ACOT7: variants seen among roughly 807,000 people sequenced by gnomAD.
The protein encoded by ACOT7 is acyl-CoA thioesterase 7.
In ACOT7, 12 loss-of-function variants were observed where a neutral mutation model predicts 40.2. The ratio of observed to expected loss-of-function variants is 0.30; its 90% CI spans 0.19 to 0.48. ACOT7 has a LOEUF of 0.48. Among genes scored for constraint, ACOT7 ranks in the 20% least tolerant of loss-of-function variants. The pLI is 0.99. For synonymous variants in ACOT7, 228 were observed against 219.5 expected (o/e 1.04, Z -0.34); for missense variants, 395 against 530.8 (o/e 0.74, Z 2.51).
chr1:6,305,065 G>A (rs1271836575), intron 6 of ACOT7, among the ~76,000 whole-genome samples: 4 of 145,728 alleles, frequency 2.7e-5, no homozygotes, highest in Non-Finnish European at 4.5e-5. Context: ...GGCTGGCCGG[G>A]CGGGGGGCTG....
At position 6,270,338 on chromosome 1, in the gene ACOT7, G is replaced by A. The variant is rs1038443105; in HGVS notation, c.1015-5643C>T. Among the ~76,000 whole-genome samples the A allele has an allele frequency of 5.3e-5, 8 of 152,346 alleles. No homozygotes were observed. In the South Asian group the frequency reaches 6.2e-4, roughly 12 times the overall value. Reference sequence around the variant, plus strand: ...GGTGGAGGACGAAAGAACGCTCTGCGGGAAGACAGATGTCTCTCTCAAGTC... The same window carrying A: ...GGTGGAGGACGAAAGAACGCTCTGCAGGAAGACAGATGTCTCTCTCAAGTC... On this transcript the variant is annotated intron_variant, in intron 8 of 8. Transcript: ENST00000361521.
intron 4 of ACOT7, among the ~76,000 whole-genome samples, chr1:6,331,184 G>A (rs569502229): frequency 5.3e-5 from 8 of 152,188 alleles, no homozygotes; most frequent in African/African-American, 1.2e-4. Flanking sequence ...TTGTTGAACC[G>A]AGGGCTGGTG....
intron 2 of ACOT7, among the ~76,000 whole-genome samples, chr1:6,347,696 G>A (rs1216337862): frequency 3.3e-5 from 5 of 152,062 alleles, no homozygotes; most frequent in Non-Finnish European, 7.4e-5. Context: ...GAACCTGGGA[G>A]GCAGACATTG....
At chr1:6,322,364 CAGGAATG>C (rs753399607) in intron 5 of ACOT7, among the ~76,000 whole-genome samples, 26 of 152,232 alleles carry the variant, frequency 1.7e-4, no homozygotes, top group Non-Finnish European at 3.4e-4. Flanking sequence ...AAGCCCAGGG[CAGGAATG>C]AGGAAACTCA....
chr1:6,301,839 T>C lies in ACOT7; in HGVS notation c.713-6859A>G, dbSNP rs1336701635. ...ACCAAGCCCACACTCAAAATGATCTTGCTGTGTGAGCTGGACGGTGACATT... is the reference window on the plus strand; with the variant it reads ...ACCAAGCCCACACTCAAAATGATCTCGCTGTGTGAGCTGGACGGTGACATT... On this transcript the variant is annotated intron_variant, in intron 6 of 8. Transcript: ENST00000361521. This position sits in a 1 kb window ranked among gnomAD's most constrained non-coding sequence, Gnocchi z 4.1. Among the ~76,000 whole-genome samples the C allele has an allele frequency of 1.3e-5, 2 of 152,194 alleles. No homozygotes were observed. The highest frequency in any genetic ancestry group is 3.8e-4 in the East Asian group (2 of 5,198).
chr1:6,344,376 C>T (rs919829058), intron 2 of ACOT7, among the ~76,000 whole-genome samples: 3 of 152,194 alleles, frequency 2.0e-5, no homozygotes, highest in South Asian at 2.1e-4. Context: ...CACAGTGCCA[C>T]GGGGACACCT....
rs1390114178 is a variant in ACOT7, at chr1:6,275,047, C to T, written c.1014+6055G>A. Among the ~76,000 whole-genome samples, 1 of 152,212 alleles carries T rather than the reference C, an allele frequency of 6.6e-6. No individual in the cohort carries two copies. The highest frequency in any genetic ancestry group is 1.5e-5 in the Non-Finnish European group (1 of 68,024). On this transcript the variant is annotated intron_variant, in intron 8 of 8. Transcript: ENST00000361521. This position sits in a 1 kb window ranked among gnomAD's most constrained non-coding sequence, Gnocchi z 5.6. ...CTGGCGAGTGACTCCCTGCCTGGTG[C>T]CCGCCTCCTGTCTGGGGATGGGAAG...
intron 5 of ACOT7, among the ~76,000 whole-genome samples, chr1:6,323,737 A>AATATATATATATATAT (rs57302929): frequency 7.8e-5 from 3 of 38,412 alleles, no homozygotes; most frequent in Non-Finnish European, 1.0e-4. Flanking sequence ...AAAAAAAAAA[A>AATATATATATATATAT]ATATATATAT....
At chr1:6,346,208 C>T (rs1415629380) in intron 2 of ACOT7, among the ~76,000 whole-genome samples, 1 of 152,210 alleles carries the variant, frequency 6.6e-6, no homozygotes, top group Non-Finnish European at 1.5e-5. Flanking sequence ...CTCAGGTGAT[C>T]CTGCTGCCTC....
intron 8 of ACOT7, among the ~76,000 whole-genome samples, chr1:6,273,593 G>A (rs1214720224): frequency 1.3e-5 from 2 of 152,328 alleles, no homozygotes; most frequent in East Asian, 1.9e-4. Flanking sequence ...CGCGGCAGGC[G>A]GTTCACCAAG....
At chr1:6,300,627 G>A in intron 6 of ACOT7, among the ~76,000 whole-genome samples, 1 of 135,024 alleles carries the variant, frequency 7.4e-6, no homozygotes, top group East Asian at 2.2e-4. Context: ...CGATCCTGAC[G>A]CGTGGCCGGC....
In ACOT7 at chr1:6,282,742, G is replaced by C. The variant is rs921848904; in HGVS notation, c.830-1456C>G. The C allele has an allele frequency of 6.9e-5, 90 of 1,304,160 alleles. No individual in the cohort carries two copies. Among genetic ancestry groups the C allele is most frequent in the Non-Finnish European group, 9.0e-5 (89 of 988,966 alleles). The allele number at this position is 1,304,160 out of a possible 1,614,324, so 80.8% of individuals were successfully genotyped here. A position where few individuals can be genotyped will look rare whatever the true frequency, so the allele number is the denominator to read the frequency against. ...TACTTACAGGGAGCACTTCGTGCCA[G>C]TGCTGGGAGAGGAGGAAGGAGCTGT... On this transcript the variant is annotated intron_variant, in intron 7 of 8. Transcript: ENST00000361521. This position sits in a 1 kb window ranked among gnomAD's most constrained non-coding sequence, Gnocchi z 4.5.
intron 1 of ACOT7, among the ~76,000 whole-genome samples, chr1:6,372,924 G>T (rs1287515747): frequency 1.3e-5 from 2 of 152,090 alleles, no homozygotes; most frequent in Admixed American, 6.6e-5. Flanking sequence ...GTATTAATTG[G>T]TCTAATTTCA....
intron 2 of ACOT7, among the ~76,000 whole-genome samples, chr1:6,347,184 C>A (rs368622930): frequency 6.6e-6 from 1 of 152,186 alleles, no homozygotes; most frequent in Non-Finnish European, 1.5e-5. Context: ...TTCTCACCCC[C>A]ACGCCCTGGG....
Position 6,374,031 on chromosome 1 carries a change from C to T in ACOT7, c.143+19226G>A, listed in dbSNP as rs1222713780. Among the ~76,000 whole-genome samples, 7 of 152,222 alleles carry T rather than the reference C, an allele frequency of 4.6e-5. No individual in the cohort carries two copies. In the East Asian group the frequency reaches 1.3e-3, roughly 29 times the overall value. On this transcript the variant is annotated intron_variant, in intron 1 of 8. Coordinates refer to ENST00000361521, the MANE Select transcript of ACOT7 (RefSeq NM_007274.4). The stretch of plus-strand genomic sequence containing the variant: ...TATCTCTTTCACCTCCCACCTCTGC[C>T]TTTTAGAGAATTAAATATCCATGGC...
In ACOT7 at chr1:6,355,714, C is replaced by T. The variant is rs1641724503; in HGVS notation, c.144-5848G>A. ...TGTTCTTTGAAAACGCTTCAAGGCA[C>T]AGCTCAAAACTCAGATCTCATCACA... On this transcript the variant is annotated intron_variant, in intron 1 of 8. Coordinates refer to ENST00000361521, the MANE Select transcript of ACOT7 (RefSeq NM_007274.4). The surrounding 1 kb of genome is among the most constrained non-coding windows in gnomAD (Gnocchi z 5.0). 6.6e-6 allele frequency among the ~76,000 whole-genome samples: 1 copy of T among 152,246 alleles called. No homozygotes were observed. The highest frequency in any genetic ancestry group is 2.4e-5 in the African/African-American group (1 of 41,466).
chr1:6,279,085 G>C (rs77556705), intron 8 of ACOT7, among the ~76,000 whole-genome samples: 3 of 152,230 alleles, frequency 2.0e-5, no homozygotes, highest in African/African-American at 4.8e-5. Flanking sequence ...AGACCAGAGC[G>C]GGCCCAGGTG....
intron 1 of ACOT7, among the ~76,000 whole-genome samples, chr1:6,376,447 G>A (rs1330678998): frequency 6.6e-6 from 1 of 151,364 alleles, no homozygotes; most frequent in African/African-American, 2.4e-5. Context: ...AGGTGGGAGG[G>A]GCCAGGCGCG....
intron 5 of ACOT7, among the ~76,000 whole-genome samples, chr1:6,321,498 G>T (rs1034619770): frequency 1.3e-5 from 2 of 152,118 alleles, no homozygotes; most frequent in Non-Finnish European, 2.9e-5. Flanking sequence ...ACTTTAATCT[G>T]ATTTTTGACA....
Sources: gnomAD v4.1 joint callset for allele counts (sites outside exome capture counted in the v4.1 genomes callset) on GRCh38, gnomAD v4.1.1 for gene constraint, Gnocchi (gnomAD v3.1) non-coding constraint, MANE v1.5 for transcripts, NCBI Gene and HGNC (gene_info 2026-07-23, HGNC 2026-07-21) for gene names.